SLC7A13: variants seen among roughly 807,000 people sequenced by gnomAD.
SLC7A13 encodes X-amino acid transporter 2.
Under a neutral mutation model 32.0 loss-of-function variants are expected in SLC7A13, and 31 were observed. That is an observed-to-expected ratio of 0.97 (90% confidence interval 0.73 to 1.31). The LOEUF (loss-of-function observed/expected upper bound fraction) is 1.31. Among genes scored for constraint, SLC7A13 ranks in the 50% most tolerant of loss-of-function variants. The pLI is 0.00. For synonymous variants in SLC7A13, 232 were observed against 206.9 expected, an observed-to-expected ratio of 1.12 and a Z score of -1.04; for missense variants, 633 against 546.9, an observed-to-expected ratio of 1.16 and a Z score of -1.57.
At position 86,214,539 on chromosome 8, in the gene SLC7A13, AACT is replaced by A. The variant is rs756229939; in HGVS notation, c.1284_1286del (p.Leu428_Val429delinsPhe). 2 of 1,613,628 alleles carry A rather than the reference AACT, an allele frequency of 1.2e-6. No individual in the cohort carries two copies. The highest frequency in any genetic ancestry group is 1.7e-6 in the Non-Finnish European group (2 of 1,179,774). On this transcript the variant is annotated inframe_deletion, in exon 4 of 4. Transcript: ENST00000297524. ...GTATGTAAAATAGTAATCCGCTGAG[AACT>A]AACAGAAGCACGTAGACATAATGCA...
chr8:86,219,327 C>T (rs536607342), intron 2 of SLC7A13, among the ~76,000 whole-genome samples: 2 of 152,290 alleles, frequency 1.3e-5, no homozygotes, highest in East Asian at 3.9e-4. Context: ...TCAGGTGCAG[C>T]TCCGTCAGTG....
chr8:86,226,866 G>A (rs75411760), intron 1 of SLC7A13, among the ~76,000 whole-genome samples: 4,746 of 152,112 alleles, frequency 0.031, 266 homozygotes, highest in African/African-American at 0.11. Flanking sequence ...AATTCAAATT[G>A]CCACTTTTCC....
intron 1 of SLC7A13, among the ~76,000 whole-genome samples, chr8:86,228,684 A>C (rs1820431889): frequency 6.6e-6 from 1 of 152,076 alleles, no homozygotes; most frequent in South Asian, 2.1e-4. Context: ...TGTCTCTACC[A>C]AAAATGCAAA....
chr8:86,225,750 C>G (rs1430342117), intron 1 of SLC7A13, among the ~76,000 whole-genome samples: 1 of 151,876 alleles, frequency 6.6e-6, no homozygotes, highest in South Asian at 2.1e-4. Flanking sequence ...GCCAAAACCT[C>G]GTCTCTACTA....
chr8:86,214,471 ATCT>A lies in SLC7A13; in HGVS notation c.1352_1354del (p.Lys451del), dbSNP rs1563587114. 6.2e-7 allele frequency: 1 copy of A among 1,611,526 alleles called. No homozygotes were observed. Among genetic ancestry groups the A allele is most frequent in the African/African-American group, 1.3e-5 (1 of 74,922 alleles). ...AAATAGTAATTGTAAATAGCAAGTC[ATCT>A]TCTCAAACCAAGCCAATCTTATTTT... On this transcript the variant is annotated inframe_deletion, in exon 4 of 4. Coordinates refer to ENST00000297524, the MANE Select transcript of SLC7A13 (RefSeq NM_138817.3).
At chr8:86,227,896 T>G (rs1820414972) in intron 1 of SLC7A13, among the ~76,000 whole-genome samples, 1 of 151,972 alleles carries the variant, frequency 6.6e-6, no homozygotes, top group African/African-American at 2.4e-5. Context: ...TAAGTACACA[T>G]GGATATACAG....
intron 2 of SLC7A13, among the ~76,000 whole-genome samples, chr8:86,220,990 T>C (rs796944637): frequency 1.2e-3 from 152 of 124,954 alleles, no homozygotes; most frequent in African/African-American, 4.5e-3. Flanking sequence ...AAGACTCTGT[T>C]TCAAAAAAAA....
intron 2 of SLC7A13, among the ~76,000 whole-genome samples, chr8:86,218,310 C>T (rs1222216748): frequency 6.6e-6 from 1 of 152,150 alleles, no homozygotes; most frequent in Non-Finnish European, 1.5e-5. Context: ...TTTCCCACAT[C>T]ATGGTGCAAT....
intron 3 of SLC7A13, chr8:86,215,825 A>G (rs531725017): frequency 5.8e-5 from 14 of 241,998 alleles, no homozygotes; most frequent in Non-Finnish European, 1.0e-4. Flanking sequence ...TCCTGGGGGC[A>G]TACAAGACAA....
At chr8:86,225,923 A>ATT (rs535768031) in intron 1 of SLC7A13, among the ~76,000 whole-genome samples, 1 of 151,038 alleles carries the variant, frequency 6.6e-6, no homozygotes, top group Non-Finnish European at 1.5e-5. Context: ...AAAAAATAGA[A>ATT]TTTTTTTTTT....
chr8:86,214,405 TCCGACATC>T lies in SLC7A13; in HGVS notation c.1413_*7del, dbSNP rs56993779. On this transcript the variant is annotated stop_retained_variant and 3_prime_UTR_variant, in exon 4 of 4. Transcript: ENST00000297524. ...GGCCAATTTTTTAAGAGTTTGCACT[TCCGACATC>T]TATTCCTCAGACACATCAGGGAGGC... The T allele has an allele frequency of 0.15, 231,883 of 1,572,080 alleles. 20,645 individuals carry two copies. The highest frequency in any genetic ancestry group is 0.32 in the East Asian group (14,125 of 44,366).
chr8:86,228,320 G>A (rs759729737), intron 1 of SLC7A13, among the ~76,000 whole-genome samples: 10 of 151,860 alleles, frequency 6.6e-5, no homozygotes, highest in Admixed American at 1.3e-4. Flanking sequence ...AGCCTCTTTC[G>A]GGCTCCTATA....
At chr8:86,222,077 C>T (rs1008822642) in intron 2 of SLC7A13, among the ~76,000 whole-genome samples, 1 of 152,134 alleles carries the variant, frequency 6.6e-6, no homozygotes, top group African/African-American at 2.4e-5. Context: ...TGAATCAGCA[C>T]TGATACCATA....
intron 3 of SLC7A13, 84 bp downstream of exon 3, chr8:86,217,386 T>C: frequency 2.4e-6 from 3 of 1,225,422 alleles, no homozygotes; most frequent in Non-Finnish European, 3.3e-6. Flanking sequence ...GATCTACTTA[T>C]AGATGCTCTG....
intron 1 of SLC7A13, among the ~76,000 whole-genome samples, chr8:86,227,607 A>C (rs961558343): frequency 6.6e-6 from 1 of 152,230 alleles, no homozygotes; most frequent in African/African-American, 2.4e-5. Context: ...ACAGGAATAG[A>C]AATTGTTATA....
chr8:86,215,712 A>G (rs1186237881), intron 3 of SLC7A13: 7 of 446,232 alleles, frequency 1.6e-5, no homozygotes, highest in Non-Finnish European at 2.7e-5. Context: ...AAGAAAAAAC[A>G]AAGAATCTCT....
chr8:86,227,963 T>C (rs1820416743), intron 1 of SLC7A13, among the ~76,000 whole-genome samples: 1 of 152,080 alleles, frequency 6.6e-6, no homozygotes, highest in Middle Eastern at 3.4e-3. Context: ...GGGGTAAGGG[T>C]TGAAAAATTA....
chr8:86,222,586 G>A lies in SLC7A13; in HGVS notation c.817+386C>T, dbSNP rs187498242. On this transcript the variant is annotated intron_variant, in intron 2 of 3. Coordinates refer to ENST00000297524, the MANE Select transcript of SLC7A13 (RefSeq NM_138817.3). ...TTTAACTGCCAATATTCTACACTTC[G>A]AATTGATCATTTTTTGTGACACCTA... is the stretch of plus-strand genomic sequence containing the variant. Among the ~76,000 whole-genome samples the A allele has an allele frequency of 1.2e-3, 180 of 152,074 alleles. 1 individual carries two copies. The highest frequency in any genetic ancestry group is 4.0e-3 in the African/African-American group (167 of 41,492).
At chr8:86,223,954 A>C (rs1458429112) in intron 1 of SLC7A13, among the ~76,000 whole-genome samples, 3 of 152,150 alleles carry the variant, frequency 2.0e-5, no homozygotes, top group African/African-American at 7.2e-5. Flanking sequence ...GGAGCCCATA[A>C]GTCCTGTACC....
Sources: allele counts gnomAD v4.1 joint callset (sites outside exome capture counted in the v4.1 genomes callset), GRCh38; gene constraint gnomAD v4.1.1; transcripts MANE v1.5; gene names NCBI Gene and HGNC (gene_info 2026-07-23, HGNC 2026-07-21).